Variants in TPST2 observed in about 807,000 individuals in gnomAD.
TPST2 encodes the protein protein-tyrosine sulfotransferase 2.
A neutral mutation model predicts 27.8 loss-of-function variants in TPST2; 16 were observed. The ratio of observed to expected loss-of-function variants is 0.58; its 90% confidence interval spans 0.39 to 0.88. The LOEUF (loss-of-function observed/expected upper bound fraction) is 0.88, where lower values mean the gene tolerates loss of function less well. Among genes scored for constraint, TPST2 ranks in the 40% least tolerant of loss-of-function variants. The pLI, the probability that TPST2 is intolerant of heterozygous loss-of-function variation, is 0.00. For synonymous variants in TPST2, 229 were observed against 231.7 expected, an observed-to-expected ratio of 0.99 and a Z score of 0.10; for missense variants, 464 against 543.1, an observed-to-expected ratio of 0.85 and a Z score of 1.45.
In TPST2 at chr22:26,543,689, A is replaced by G. The variant is rs1413438284; in HGVS notation, c.-89+915T>C. Among the ~76,000 whole-genome samples the G allele has an allele frequency of 4.6e-5, 7 of 152,350 alleles. No homozygotes were observed. The East Asian group carries it at 1.3e-3, about 29-fold the overall frequency. On this transcript the variant is annotated intron_variant, in intron 2 of 6. Coordinates refer to ENST00000338754, the MANE Select transcript of TPST2 (RefSeq NM_003595.5). ...TAAAGCATTTTCCCTGCAGTATCTA[A>G]GCTCAAAGAGATGAAGCAGCTTGCC...
chr22:26,557,640 G>T (rs1272621584), intron 1 of TPST2, among the ~76,000 whole-genome samples: 1 of 151,808 alleles, frequency 6.6e-6, no homozygotes, highest in Non-Finnish European at 1.5e-5. Flanking sequence ...GTGAGCATTG[G>T]TCTGGTTGTG....
At chr22:26,555,326 C>G (rs771781711) in intron 1 of TPST2, 1 of 509,434 alleles carries the variant, frequency 2.0e-6, no homozygotes, top group Non-Finnish European at 3.9e-6. Context: ...GGCTGCCCAC[C>G]TGGGCCAGGC....
rs533890027 is a variant in TPST2 at position 26,556,560 on chromosome 22, T to C, written c.-160-11885A>G. Among the ~76,000 whole-genome samples the C allele has an allele frequency of 3.9e-4, 60 of 152,308 alleles. 1 individual carries two copies. Among genetic ancestry groups the C allele is most frequent in the Admixed American group, 1.4e-3 (22 of 15,300 alleles). ...CATCTCAAAAAAAAAGTGTGGTTTCTACTGGTGATGCGAGTGCTGCCACTA... is the reference window on the plus strand; with the variant it reads ...CATCTCAAAAAAAAAGTGTGGTTTCCACTGGTGATGCGAGTGCTGCCACTA... On this transcript the variant is annotated intron_variant, in intron 1 of 6. Transcript: ENST00000338754.
At chr22:26,533,906 G>A (rs1159919293) in intron 4 of TPST2, among the ~76,000 whole-genome samples, 1 of 152,034 alleles carries the variant, frequency 6.6e-6, no homozygotes, top group Non-Finnish European at 1.5e-5. Flanking sequence ...AAACTCCTAG[G>A]CTAAGCAGTC....
chr22:26,549,672 A>G (rs901920107), intron 1 of TPST2, among the ~76,000 whole-genome samples: 10 of 149,218 alleles, frequency 6.7e-5, no homozygotes, highest in East Asian at 2.0e-4. Flanking sequence ...AAAAAAAAAA[A>G]AAAGAAAAAG....
intron 2 of TPST2, 66 bp downstream of exon 2, chr22:26,544,538 G>T: frequency 1.1e-6 from 1 of 909,010 alleles, no homozygotes; most frequent in Middle Eastern, 5.6e-4. Flanking sequence ...GCATGGAGGG[G>T]ACTTTTGGAG....
chr22:26,552,656 C>T (rs137983504), intron 1 of TPST2, among the ~76,000 whole-genome samples: 51 of 152,292 alleles, frequency 3.3e-4, no homozygotes, highest in African/African-American at 1.2e-3. Context: ...CAAGATGACA[C>T]ATACATGAAG....
intron 6 of TPST2, among the ~76,000 whole-genome samples, chr22:26,526,930 T>C (rs1294091582): frequency 6.6e-6 from 1 of 152,034 alleles, no homozygotes; most frequent in East Asian, 1.9e-4. Flanking sequence ...ATACAAAAAT[T>C]AGCTGGGTGT....
At chr22:26,550,749 C>T in intron 1 of TPST2, 1 of 735,242 alleles carries the variant, frequency 1.4e-6, no homozygotes, top group Non-Finnish European at 1.7e-6. Context: ...ACCCACCACG[C>T]CTCAACCTTC....
Position 26,542,021 on chromosome 22 carries a change from A to G in TPST2, c.-88-303T>C, listed in dbSNP as rs184620208. Among the ~76,000 whole-genome samples the G allele has an allele frequency of 8.9e-4, 136 of 151,984 alleles. No homozygotes were observed. In the East Asian group the frequency reaches 0.022, roughly 24 times the overall value. On this transcript the variant is annotated intron_variant, in intron 2 of 6. Coordinates refer to ENST00000338754, the MANE Select transcript of TPST2 (RefSeq NM_003595.5). The stretch of plus-strand genomic sequence containing the variant: ...AGGCATGAGCCACCCGGTCCAGCGG[A>G]TCATGAGGTCAGGAGATCGAGACCA...
chr22:26,565,008 C>T (rs1183693451), intron 1 of TPST2, among the ~76,000 whole-genome samples: 5 of 152,076 alleles, frequency 3.3e-5, no homozygotes, highest in African/African-American at 1.2e-4. Flanking sequence ...GTCTGCAGAC[C>T]CCCCACTGAG....
chr22:26,545,254 A>T (rs1926056094), intron 1 of TPST2, among the ~76,000 whole-genome samples: 1 of 152,248 alleles, frequency 6.6e-6, no homozygotes, highest in African/African-American at 2.4e-5. Flanking sequence ...GGAAAGTGTG[A>T]TGATCCCAAT....
At chr22:26,567,332 T>C (rs1371057028) in intron 1 of TPST2, among the ~76,000 whole-genome samples, 3 of 152,232 alleles carry the variant, frequency 2.0e-5, no homozygotes, top group Non-Finnish European at 4.4e-5. Flanking sequence ...GGGTAGGAAA[T>C]GGGCCTTGCT....
intron 1 of TPST2, among the ~76,000 whole-genome samples, chr22:26,576,748 A>T (rs1022740864): frequency 2.0e-5 from 3 of 151,968 alleles, no homozygotes; most frequent in Non-Finnish European, 4.4e-5. Flanking sequence ...AGGTGGGAGA[A>T]TCACTTGAGA....
At chr22:26,589,369 C>T (rs1235128210) in intron 1 of TPST2, among the ~76,000 whole-genome samples, 2 of 152,160 alleles carry the variant, frequency 1.3e-5, no homozygotes, top group Admixed American at 1.3e-4. Flanking sequence ...TGAGCCCATG[C>T]TCCCAGTCCC....
intron 1 of TPST2, among the ~76,000 whole-genome samples, chr22:26,550,217 G>A (rs1191063466): frequency 6.6e-6 from 1 of 151,994 alleles, no homozygotes; most frequent in Non-Finnish European, 1.5e-5. Flanking sequence ...CCATGTGCGG[G>A]GCCCTGCTCA....
chr22:26,549,787 T>C (rs1259380643), intron 1 of TPST2, among the ~76,000 whole-genome samples: 3 of 150,692 alleles, frequency 2.0e-5, no homozygotes, highest in Admixed American at 6.6e-5. Flanking sequence ...TCCCAGCACT[T>C]TGGGAGGCCG....
At chr22:26,530,238 CT>C (rs1925077294) in intron 5 of TPST2, among the ~76,000 whole-genome samples, 1 of 152,130 alleles carries the variant, frequency 6.6e-6, no homozygotes, top group Non-Finnish European at 1.5e-5. Flanking sequence ...CACCCAACTC[CT>C]GCGTGTTGCC....
At chr22:26,558,571 G>A (rs1391641180) in intron 1 of TPST2, among the ~76,000 whole-genome samples, 1 of 152,242 alleles carries the variant, frequency 6.6e-6, no homozygotes, top group African/African-American at 2.4e-5. Flanking sequence ...CCTCACACAT[G>A]ACTCACTGGC....
Sources: allele counts gnomAD v4.1 joint callset (sites outside exome capture counted in the v4.1 genomes callset), GRCh38; gene constraint gnomAD v4.1.1; transcripts MANE v1.5; gene names NCBI Gene and HGNC (gene_info 2026-07-23, HGNC 2026-07-21).